Variants in GNAL observed in about 807,000 individuals in gnomAD.
The protein encoded by GNAL is G protein subunit alpha L.
GNAL carries 18 observed loss-of-function variants against 55.1 expected under a neutral mutation model. The ratio of observed to expected loss-of-function variants is 0.33; its 90% CI spans 0.23 to 0.48. GNAL has a LOEUF of 0.48. Ranked by LOEUF, GNAL falls within the 20% of genes least tolerant of loss-of-function variation. GNAL has a pLI of 0.99. For missense variants in GNAL, 412 were observed against 614.1 expected (o/e 0.67, Z 3.48); for synonymous variants, 253 against 237.0 (o/e 1.07, Z -0.62).
chr18:11,815,990 A>T (rs991778178), intron 4 of GNAL, among the ~76,000 whole-genome samples: 17 of 152,220 alleles, frequency 1.1e-4, no homozygotes, highest in African/African-American at 4.1e-4. Context: ...ACTGGTGAGG[A>T]TGTGCAATAC....
chr18:11,775,692 G>A (rs1401709791), intron 4 of GNAL, among the ~76,000 whole-genome samples: 2 of 152,236 alleles, frequency 1.3e-5, no homozygotes, highest in Admixed American at 6.5e-5. Flanking sequence ...GAGGCATTCT[G>A]TGTGGGGGCA....
intron 1 of GNAL, among the ~76,000 whole-genome samples, chr18:11,736,624 C>T (rs530389757): frequency 5.9e-5 from 9 of 152,284 alleles, no homozygotes; most frequent in Non-Finnish European, 1.2e-4. Context: ...ATGATAACCT[C>T]CTCTAGCTCA....
intron 4 of GNAL, among the ~76,000 whole-genome samples, chr18:11,786,775 C>G (rs1366753408): frequency 6.6e-6 from 1 of 151,884 alleles, no homozygotes; most frequent in East Asian, 1.9e-4. Context: ...TCATTTGAAT[C>G]TTTTTATATT....
intron 10 of GNAL, chr18:11,874,503 G>A: frequency 6.9e-6 from 1 of 145,894 alleles, no homozygotes; most frequent in African/African-American, 2.6e-5. Context: ...GCTGAGGCAG[G>A]AGAATCACTT....
intron 1 of GNAL, among the ~76,000 whole-genome samples, chr18:11,691,439 T>G (rs1284549081): frequency 2.0e-5 from 3 of 150,796 alleles, no homozygotes; most frequent in Admixed American, 6.6e-5. Context: ...TAGTTTCTTT[T>G]GCTGTGCAGA....
intron 4 of GNAL, among the ~76,000 whole-genome samples, chr18:11,769,128 AAT>A (rs1444924436): frequency 1.8e-5 from 2 of 112,522 alleles, no homozygotes; most frequent in South Asian, 2.2e-4. Flanking sequence ...AATTATATGT[AAT>A]ATATATTATA....
At position 11,752,718 on chromosome 18, in the gene GNAL, G is replaced by T. The variant is rs1303742633; in HGVS notation, c.377-135G>T. 3 of 1,165,098 alleles carry T rather than the reference G, an allele frequency of 2.6e-6. No individual in the cohort carries two copies. Among genetic ancestry groups the T allele is most frequent in the Non-Finnish European group, 3.6e-6 (3 of 831,198 alleles). The allele number at this position is 1,165,098 out of a possible 1,614,324, so 72.2% of individuals were successfully genotyped here. A position where few individuals can be genotyped will look rare whatever the true frequency, so the allele number is the denominator to read the frequency against. ...GCGGAGCCCAGACGGCGGCCGGGGC[G>T]AGCTCCTCCAGCCAGGAACCCGCGT... On this transcript the variant is annotated intron_variant, in intron 1 of 11. Coordinates refer to ENST00000334049, the MANE Select transcript of GNAL (RefSeq NM_182978.4). The surrounding 1 kb of genome is among the most constrained non-coding windows in gnomAD (Gnocchi z 4.5).
In GNAL at chr18:11,885,191, G is replaced by T. The variant is rs572436400; in HGVS notation, c.*4056G>T. ...TTTTTATGAAGTAAAAGAACCTGTC[G>T]TACCAGCATCATGAGCTGGATGCAG... On this transcript the variant is annotated 3_prime_UTR_variant, in exon 12 of 12. Coordinates refer to ENST00000334049, the MANE Select transcript of GNAL (RefSeq NM_182978.4). 1 of 516,422 alleles carries T rather than the reference G, an allele frequency of 1.9e-6. No individual in the cohort carries two copies. Among genetic ancestry groups the T allele is most frequent in the African/African-American group, 2.1e-5 (1 of 48,332 alleles). The allele number at this position is 516,422 out of a possible 1,614,324, so 32.0% of individuals were successfully genotyped here.
chr18:11,705,057 C>G (rs2031675190), intron 1 of GNAL, among the ~76,000 whole-genome samples: 1 of 152,166 alleles, frequency 6.6e-6, no homozygotes, highest in Admixed American at 6.5e-5. Flanking sequence ...CAGAGCTCTA[C>G]AACTTAATCA....
chr18:11,697,990 C>T (rs1457427602), intron 1 of GNAL, among the ~76,000 whole-genome samples: 1 of 152,016 alleles, frequency 6.6e-6, no homozygotes, highest in Non-Finnish European at 1.5e-5. Flanking sequence ...CACATGCCAC[C>T]CGGAGAGGAC....
At chr18:11,740,944 A>G (rs1301445466) in intron 1 of GNAL, among the ~76,000 whole-genome samples, 1 of 152,248 alleles carries the variant, frequency 6.6e-6, no homozygotes, top group Non-Finnish European at 1.5e-5. Context: ...AAAGGCTCAT[A>G]GTTCCTACCT....
At chr18:11,758,856 T>C (rs57585287) in intron 4 of GNAL, among the ~76,000 whole-genome samples, 5,343 of 152,236 alleles carry the variant, frequency 0.035, 282 homozygotes, top group African/African-American at 0.11. Context: ...TGCCAAAACA[T>C]AGATTAGCTG....
chr18:11,851,335 G>C (rs1030070620), intron 5 of GNAL: 12 of 806,628 alleles, frequency 1.5e-5, no homozygotes, highest in South Asian at 6.5e-5. Context: ...GGCGCCTTCC[G>C]TCCCGCAGGC....
chr18:11,796,989 G>A (rs2034406901), intron 4 of GNAL, among the ~76,000 whole-genome samples: 1 of 152,102 alleles, frequency 6.6e-6, no homozygotes, highest in African/African-American at 2.4e-5. Context: ...GGGTCTCACT[G>A]TGCCACCCAG....
rs543838429 is a variant in GNAL at position 11,748,740 on chromosome 18, A to C, written c.377-4113A>C. Among the ~76,000 whole-genome samples the C allele has an allele frequency of 5.3e-5, 8 of 152,274 alleles. No individual in the cohort carries two copies. The South Asian group carries it at 1.7e-3, about 32-fold the overall frequency. On this transcript the variant is annotated intron_variant, in intron 1 of 11. Transcript: ENST00000334049. ...TTTATTTTGTCCCCTGCTGTCCAAC[A>C]TTTTATAGAAATCTTGACATTAAAA...
intron 5 of GNAL, chr18:11,851,937 C>A: frequency 6.2e-7 from 1 of 1,613,950 alleles, no homozygotes; most frequent in Non-Finnish European, 8.5e-7. Flanking sequence ...CGACGACGCT[C>A]ACCACTCCCC....
chr18:11,712,218 T>C (rs1206466537), intron 1 of GNAL, among the ~76,000 whole-genome samples: 3 of 152,184 alleles, frequency 2.0e-5, no homozygotes, highest in Non-Finnish European at 2.9e-5. Context: ...AAGATATAAA[T>C]TGGTCCCTTG....
At chr18:11,760,784 G>C (rs931813422) in intron 4 of GNAL, among the ~76,000 whole-genome samples, 1 of 152,122 alleles carries the variant, frequency 6.6e-6, no homozygotes, top group Non-Finnish European at 1.5e-5. Context: ...ATCTTGAAAG[G>C]GGGTCTTAAG....
At chr18:11,850,786 CCAGA>C (rs763917050) in intron 5 of GNAL, among the ~76,000 whole-genome samples, 5 of 152,104 alleles carry the variant, frequency 3.3e-5, no homozygotes, top group Admixed American at 1.3e-4. Flanking sequence ...AGCTGAACTT[CCAGA>C]CAAAGTATAA....
Sources: allele counts gnomAD v4.1 joint callset (sites outside exome capture counted in the v4.1 genomes callset), GRCh38; gene constraint gnomAD v4.1.1; non-coding constraint Gnocchi (gnomAD v3.1); transcripts MANE v1.5; gene names NCBI Gene and HGNC (gene_info 2026-07-23, HGNC 2026-07-21).